The following RUNX1T1 variants were observed in gnomAD, a reference collection of about 807,000 sequenced individuals.
RUNX1T1 encodes the protein RUNX1 partner transcriptional co-repressor 1, also known as protein CBFA2T1.
RUNX1T1 carries 4 observed loss-of-function variants against 62.8 expected under a neutral mutation model. The ratio of observed to expected loss-of-function variants is 0.06; its 90% CI spans 0.03 to 0.15. The LOEUF is 0.15. Among genes scored for constraint, RUNX1T1 ranks in the 10% least tolerant of loss-of-function variants. The probability of loss-of-function intolerance (pLI) is 1.00; values close to 1 mark genes in which losing one functional copy is unlikely to be tolerated. For missense variants in RUNX1T1, 508 were observed against 754.3 expected (o/e 0.67, Z 3.82); for synonymous variants, 291 against 286.0 (o/e 1.02, Z -0.18).
At chr8:92,017,422 TG>T (rs1823235559) in intron 1 of RUNX1T1, 59 bp from the exon 3 acceptor site, 1 of 1,613,276 alleles carries the variant, frequency 6.2e-7, no homozygotes. Context: ...GTTTTTCAAG[TG>T]GGGTTTATCT....
intron 8 of RUNX1T1, chr8:91,979,817 C>G (rs372060886): frequency 1.9e-6 from 1 of 529,986 alleles, no homozygotes; most frequent in Admixed American, 2.3e-5. Flanking sequence ...CTGCAAGGGC[C>G]GCCATCAATA....
In RUNX1T1 at chr8:92,022,140, A is replaced by C. The variant is rs567476108; in HGVS notation, c.8-4777T>G. Among the ~76,000 whole-genome samples, 51 of 145,048 alleles carry C rather than the reference A, an allele frequency of 3.5e-4. 1 individual carries two copies. Among genetic ancestry groups the C allele is most frequent in the African/African-American group, 1.2e-3 (47 of 38,730 alleles). On this transcript the variant is annotated intron_variant, in intron 1 of 10. Coordinates refer to ENST00000396218, the Ensembl canonical transcript of RUNX1T1. ...GCGATATTTTTTAAAATTCCTCCTG[A>C]GGAGGATTCTTAATAAATATGTAGT...
chr8:92,072,315 G>C (rs1401622652), intron 2 of RUNX1T1, among the ~76,000 whole-genome samples: 1 of 151,848 alleles, frequency 6.6e-6, no homozygotes, highest in Non-Finnish European at 1.5e-5. Context: ...TCTATGATCT[G>C]GTTTATTATG....
At chr8:92,006,241 T>C (rs1285694889) in intron 4 of RUNX1T1, 1 of 152,174 alleles carries the variant, frequency 6.6e-6, no homozygotes, top group Non-Finnish European at 1.5e-5. Flanking sequence ...TAAATCCAGA[T>C]TGTCATTGCT....
chr8:91,973,982 A>C (rs1333198966), intron 9 of RUNX1T1, among the ~76,000 whole-genome samples: 2 of 152,034 alleles, frequency 1.3e-5, no homozygotes. Context: ...GATGATAGAC[A>C]CTGTAATAAA....
intron 1 of RUNX1T1, among the ~76,000 whole-genome samples, chr8:92,092,011 C>T (rs563935202): frequency 6.6e-6 from 1 of 152,148 alleles, no homozygotes; most frequent in Non-Finnish European, 1.5e-5. Flanking sequence ...TGTGAAGCCA[C>T]AAACTCAGCT....
intron 1 of RUNX1T1, among the ~76,000 whole-genome samples, chr8:92,077,870 G>C (rs563156864): frequency 4.3e-4 from 66 of 152,092 alleles, no homozygotes; most frequent in African/African-American, 1.3e-3. Context: ...CTTAATCTTG[G>C]TTTTGAGGCA....
At chr8:92,049,227 C>G (rs1245114026) in intron 1 of RUNX1T1, among the ~76,000 whole-genome samples, 2 of 152,174 alleles carry the variant, frequency 1.3e-5, no homozygotes, top group South Asian at 4.1e-4. Flanking sequence ...AGCAAGGCAA[C>G]TATCTTTTTC....
Position 92,021,914 on chromosome 8 carries a change from C to T in RUNX1T1, c.8-4551G>A, listed in dbSNP as rs886697319. ...TTGCTGTTTCCCTCATCTAGAATGA[C>T]CCGTCCCACTTGCACATTCTTCACT... On this transcript the variant is annotated intron_variant, in intron 1 of 10. Coordinates refer to ENST00000396218, the Ensembl canonical transcript of RUNX1T1. 2.7e-5 allele frequency among the ~76,000 whole-genome samples: 4 copies of T among 150,028 alleles called. No individual in the cohort carries two copies. The Admixed American group carries it at 2.7e-4, about 10-fold the overall frequency.
chr8:91,982,138 C>T (rs575727277), intron 8 of RUNX1T1, among the ~76,000 whole-genome samples: 27 of 150,430 alleles, frequency 1.8e-4, no homozygotes, highest in African/African-American at 6.6e-4. Flanking sequence ...GTCCCAATTA[C>T]TTAGGGGGCT....
chr8:92,055,171 G>A (rs1050088722), intron 1 of RUNX1T1, among the ~76,000 whole-genome samples: 14 of 152,110 alleles, frequency 9.2e-5, no homozygotes, highest in Non-Finnish European at 1.3e-4. Context: ...TCTCCAAGAT[G>A]TTTTGGGAAA....
At chr8:92,015,978 A>G (rs1822910185) in intron 2 of RUNX1T1, among the ~76,000 whole-genome samples, 1 of 152,132 alleles carries the variant, frequency 6.6e-6, no homozygotes, top group Non-Finnish European at 1.5e-5. Flanking sequence ...CTCCTTACAC[A>G]TTTGGAAAGG....
intron 6 of RUNX1T1, among the ~76,000 whole-genome samples, chr8:91,989,837 C>T (rs1400082790): frequency 6.6e-6 from 1 of 152,168 alleles, no homozygotes; most frequent in Non-Finnish European, 1.5e-5. Context: ...AATAGCATAA[C>T]CACCTTTGAA....
At chr8:92,102,854 T>TAA, upstream of RUNX1T1, 10 of 1,520,300 alleles carry the variant, frequency 6.6e-6, no homozygotes, top group Non-Finnish European at 7.9e-6. This position sits in a 1 kb window ranked among gnomAD's most constrained non-coding sequence, Gnocchi z 4.5. Context: ...CGCGGACACT[T>TAA]ACACTGCACA....
At chr8:92,063,354 T>A (rs564848160), upstream of RUNX1T1, among the ~76,000 whole-genome samples, 7 of 152,148 alleles carry the variant, frequency 4.6e-5, no homozygotes, top group African/African-American at 9.7e-5. Context: ...GCTCCAAACA[T>A]TTTCAGCTTA....
chr8:92,033,537 C>T (rs1252870880), intron 1 of RUNX1T1, among the ~76,000 whole-genome samples: 1 of 152,156 alleles, frequency 6.6e-6, no homozygotes, highest in East Asian at 1.9e-4. Flanking sequence ...GTAATCTCGG[C>T]ACTTTCGGAC....
At chr8:92,078,367 C>T (rs1834746750) in intron 1 of RUNX1T1, among the ~76,000 whole-genome samples, 1 of 152,064 alleles carries the variant, frequency 6.6e-6, no homozygotes, top group Non-Finnish European at 1.5e-5. Context: ...ACCTATTCCG[C>T]ACTGAAGTCT....
chr8:92,041,931 G>A (rs1160193781), intron 1 of RUNX1T1, among the ~76,000 whole-genome samples: 1 of 150,672 alleles, frequency 6.6e-6, no homozygotes, highest in Non-Finnish European at 1.5e-5. Context: ...CAATTCCCAT[G>A]CCTCAGCCTC....
chr8:92,063,025 T>C (rs1832322602), upstream of RUNX1T1: 4 of 1,029,374 alleles, frequency 3.9e-6, no homozygotes, highest in Non-Finnish European at 4.8e-6. Flanking sequence ...AATGTAGACC[T>C]GGCCCCCTAC....
Sources: gnomAD v4.1 joint callset for allele counts (sites outside exome capture counted in the v4.1 genomes callset) on GRCh38, gnomAD v4.1.1 for gene constraint, Gnocchi (gnomAD v3.1) non-coding constraint, MANE v1.5 for transcripts, NCBI Gene and HGNC (gene_info 2026-07-23, HGNC 2026-07-21) for gene names.